Variants in CTNNA2 observed in about 807,000 individuals in gnomAD.
CTNNA2 encodes the protein catenin alpha 2.
In CTNNA2, 42 loss-of-function variants were observed where a neutral mutation model predicts 101.0. That is an observed-to-expected ratio of 0.42 (90% confidence interval 0.32 to 0.54). The LOEUF is 0.54. Ranked by LOEUF, CTNNA2 falls within the 20% of genes least tolerant of loss-of-function variation. The pLI, the probability that CTNNA2 is intolerant of heterozygous loss-of-function variation, is 0.14. For missense variants in CTNNA2, 871 were observed against 1,223.1 expected, an observed-to-expected ratio of 0.71 and a Z score of 4.29; for synonymous variants, 450 against 456.4, an observed-to-expected ratio of 0.99 and a Z score of 0.18.
At chr2:80,590,549 C>T (rs62151978) in intron 15 of CTNNA2, among the ~76,000 whole-genome samples, 1 of 151,766 alleles carries the variant, frequency 6.6e-6, no homozygotes, top group African/African-American at 2.4e-5. Flanking sequence ...TGATGGGTGA[C>T]AACTTTTTTT....
intron 7 of CTNNA2, among the ~76,000 whole-genome samples, chr2:80,264,354 T>C (rs1672845953): frequency 6.6e-6 from 1 of 152,192 alleles, no homozygotes; most frequent in Non-Finnish European, 1.5e-5. Flanking sequence ...AAATTTAATC[T>C]GGACTTGTAT....
Position 79,521,528 on chromosome 2 carries a change from T to C in CTNNA2, c.-6+8321T>C, listed in dbSNP as rs1260732433. ...GCAAGGGGAATGGGAATACCATGAA[T>C]GATAGGCGCTTAGACTAAATCAGGA... On this transcript the variant is annotated intron_variant, in intron 1 of 18. Coordinates refer to ENST00000402739, the MANE Select transcript of CTNNA2 (RefSeq NM_001282597.3). 2.0e-5 allele frequency among the ~76,000 whole-genome samples: 3 copies of C among 152,144 alleles called. No homozygotes were observed. In the East Asian group the frequency reaches 5.8e-4, roughly 29 times the overall value.
At position 80,581,787 on chromosome 2, in the gene CTNNA2, G is replaced by A; in HGVS notation, c.1975G>A (p.Asp659Asn). The change falls in exon 14 of 19, where the codon GAT (aspartate) becomes AAT (asparagine). Residue 659 changes from aspartate (D) to asparagine (N), a missense_variant. Asp to Asn is a conservative substitution (Grantham distance 23). Around this residue, in one of 5 missense-constraint regions of CTNNA2, gnomAD observed 93 missense variants for 223.7 expected, o/e 0.42. Coordinates refer to ENST00000402739, the MANE Select transcript of CTNNA2 (RefSeq NM_001282597.3). Reference sequence around the variant, plus strand: ...TAGCAGGACAAGTGTTCAGACTGAGGATGACCAGCTCATTGCAGGGCAGAG... The same window carrying A: ...TAGCAGGACAAGTGTTCAGACTGAGAATGACCAGCTCATTGCAGGGCAGAG... ...VRSRTSVQTE[D>N]DQLIAGQSAR... 1.2e-6 allele frequency: 2 copies of A among 1,612,808 alleles called. No homozygotes were observed. Among genetic ancestry groups the A allele is most frequent in the Non-Finnish European group, 8.5e-7 (1 of 1,179,008 alleles).
intron 9 of CTNNA2, among the ~76,000 whole-genome samples, chr2:80,428,097 G>C (rs1230100457): frequency 2.6e-5 from 4 of 152,168 alleles, no homozygotes; most frequent in Non-Finnish European, 5.9e-5. Context: ...GAACATTCCA[G>C]ACTGTGAAAA....
chr2:79,825,902 A>G (rs1440018542), intron 3 of CTNNA2, among the ~76,000 whole-genome samples: 1 of 152,180 alleles, frequency 6.6e-6, no homozygotes, highest in Non-Finnish European at 1.5e-5. Flanking sequence ...GTACTGCTGT[A>G]AATATCAATG....
chr2:80,281,163 C>CA (rs1408946814), intron 7 of CTNNA2, among the ~76,000 whole-genome samples: 3 of 152,110 alleles, frequency 2.0e-5, no homozygotes, highest in African/African-American at 7.2e-5. Context: ...TAACTACACA[C>CA]AAATTATATT....
chr2:79,941,818 C>T (rs953682571), intron 7 of CTNNA2, among the ~76,000 whole-genome samples: 1 of 151,992 alleles, frequency 6.6e-6, no homozygotes, highest in Non-Finnish European at 1.5e-5. Flanking sequence ...GGGGTGTCAC[C>T]ATGTTGGCCA....
At chr2:80,434,325 T>C (rs142450353) in intron 9 of CTNNA2, among the ~76,000 whole-genome samples, 14 of 152,356 alleles carry the variant, frequency 9.2e-5, no homozygotes, top group Non-Finnish European at 1.6e-4. Flanking sequence ...CAAAAACATG[T>C]ATAATTTTGC....
At chr2:79,579,549 G>A (rs1375764365) in intron 1 of CTNNA2, among the ~76,000 whole-genome samples, 1 of 152,090 alleles carries the variant, frequency 6.6e-6, no homozygotes, top group African/African-American at 2.4e-5. Flanking sequence ...GTATTTGCTT[G>A]GGGTGCAGGA....
At chr2:80,286,570 C>T (rs1275642240) in intron 7 of CTNNA2, among the ~76,000 whole-genome samples, 1 of 152,214 alleles carries the variant, frequency 6.6e-6, no homozygotes, top group Non-Finnish European at 1.5e-5. Context: ...GCCAGTGTTT[C>T]CCTTTCATTT....
At chr2:80,533,644 G>A (rs1690735351) in intron 9 of CTNNA2, among the ~76,000 whole-genome samples, 3 of 152,150 alleles carry the variant, frequency 2.0e-5, no homozygotes, top group Admixed American at 6.5e-5. Context: ...GGATCCTGGA[G>A]TTTTCATCCT....
intron 2 of CTNNA2, among the ~76,000 whole-genome samples, chr2:79,257,499 A>T (rs561614705): frequency 4.1e-5 from 5 of 121,788 alleles, no homozygotes; most frequent in East Asian, 4.7e-4. Flanking sequence ...AAAGTAGGTT[A>T]AAAAAAAAAA....
chr2:79,902,892 T>A (rs1197999766), intron 6 of CTNNA2, among the ~76,000 whole-genome samples: 1 of 152,190 alleles, frequency 6.6e-6, no homozygotes, highest in African/African-American at 2.4e-5. Context: ...CCCAAAGTGC[T>A]GGGATTACGG....
chr2:79,497,226 C>T (rs1001419458), intron 4 of CTNNA2, among the ~76,000 whole-genome samples: 1 of 152,206 alleles, frequency 6.6e-6, no homozygotes, highest in Admixed American at 6.5e-5. Context: ...CTCTCCCTTT[C>T]AGCCCAGCTC....
chr2:79,882,401 T>C (rs886547196), intron 6 of CTNNA2, among the ~76,000 whole-genome samples: 2 of 152,204 alleles, frequency 1.3e-5, no homozygotes, highest in African/African-American at 4.8e-5. Context: ...TCCCTGAGTC[T>C]CTGGCTGGAG....
intron 3 of CTNNA2, among the ~76,000 whole-genome samples, chr2:79,810,760 G>A (rs1457126995): frequency 6.6e-6 from 1 of 151,452 alleles, no homozygotes; most frequent in Non-Finnish European, 1.5e-5. Flanking sequence ...TCCCACCTAT[G>A]AGTGAGAACA....
chr2:80,153,350 G>T (rs1222647670), intron 7 of CTNNA2, among the ~76,000 whole-genome samples: 3 of 152,156 alleles, frequency 2.0e-5, no homozygotes, highest in African/African-American at 7.2e-5. Flanking sequence ...TCAGAGCTAA[G>T]AAAGAAGATG....
intron 8 of CTNNA2, among the ~76,000 whole-genome samples, chr2:80,406,134 G>A (rs1679031323): frequency 6.6e-6 from 1 of 152,120 alleles, no homozygotes; most frequent in Non-Finnish European, 1.5e-5. Context: ...AAGGCGGGTG[G>A]ATCACAAGGT....
At chr2:79,906,704 T>C (rs1215658602) in intron 6 of CTNNA2, among the ~76,000 whole-genome samples, 1 of 152,154 alleles carries the variant, frequency 6.6e-6, no homozygotes, top group Non-Finnish European at 1.5e-5. Flanking sequence ...CTCCAAAGTC[T>C]CTCTTGTCAC....
Sources: allele counts gnomAD v4.1 joint callset (sites outside exome capture counted in the v4.1 genomes callset), GRCh38; gene constraint gnomAD v4.1.1; regional missense constraint gnomAD v4.1.1; transcripts MANE v1.5; gene names NCBI Gene and HGNC (gene_info 2026-07-23, HGNC 2026-07-21).